The following ATAD3A variants were observed in gnomAD, a reference collection of about 807,000 sequenced individuals.
ATAD3A encodes ATPase family AAA domain containing 3A.
A neutral mutation model predicts 73.8 loss-of-function variants in ATAD3A; 46 were observed. The observed-to-expected ratio is 0.62, with a 90% confidence interval of 0.49 to 0.80. The LOEUF is 0.80. Among genes scored for constraint, ATAD3A ranks in the 30% least tolerant of loss-of-function variants. The probability of loss-of-function intolerance (pLI) is 0.00; values close to 1 mark genes in which losing one functional copy is unlikely to be tolerated. For missense variants in ATAD3A, 705 were observed against 838.0 expected (o/e 0.84, Z 1.96); for synonymous variants, 319 against 350.0 (o/e 0.91, Z 0.99).
At chr1:1,517,107 T>G in intron 2 of ATAD3A, 1 of 1,538,328 alleles carries the variant, frequency 6.5e-7, no homozygotes, top group Non-Finnish European at 8.8e-7. Flanking sequence ...TTCGCGGGCT[T>G]CTGCTGGTGC....
intron 2 of ATAD3A, among the ~76,000 whole-genome samples, chr1:1,516,679 C>T (rs920368096): frequency 5.3e-5 from 8 of 152,088 alleles, no homozygotes; most frequent in African/African-American, 1.9e-4. Context: ...TCCCAAAGTG[C>T]TGGGATTACA....
chr1:1,522,715 GGTGCGCCA>G, intron 7 of ATAD3A, 21 bp from the exon 8 acceptor site: 1 of 1,610,304 alleles, frequency 6.2e-7, no homozygotes, highest in Non-Finnish European at 8.5e-7. Flanking sequence ...GGTGGGGGCC[GGTGCGCCA>G]GTGCGGTGTC....
Position 1,525,769 on chromosome 1 carries a change from G to A in ATAD3A, c.1266+478G>A, listed in dbSNP as rs556153736. ...GTCGCCCAGGCTGGAGTGCAGGGGCGATCACAGCTCACTGTTGCCTCGACC... is the reference window on the plus strand; with the variant it reads ...GTCGCCCAGGCTGGAGTGCAGGGGCAATCACAGCTCACTGTTGCCTCGACC... On this transcript the variant is annotated intron_variant, in intron 12 of 15. Transcript: ENST00000378756. Among the ~76,000 whole-genome samples, 16 of 152,206 alleles carry A rather than the reference G, an allele frequency of 1.1e-4. No homozygotes were observed. In the East Asian group the frequency reaches 2.1e-3, roughly 20 times the overall value.
intron 1 of ATAD3A, chr1:1,512,683 C>A (rs1641240851): frequency 1.5e-6 from 2 of 1,297,578 alleles, no homozygotes; most frequent in Non-Finnish European, 2.0e-6. Flanking sequence ...CTGTCAGGAG[C>A]GGGTCAGGTG....
chr1:1,526,249 T>A lies in ATAD3A; in HGVS notation c.1267-212T>A, dbSNP rs1446626155. Among the ~76,000 whole-genome samples the A allele has an allele frequency of 8.0e-4, 121 of 151,916 alleles. 2 individuals carry two copies. In the South Asian group the frequency reaches 0.013, roughly 17 times the overall value. ...TTGGCCAGGATGGTCTCAAACTCCTTACCTCGTGTGATCTGCCCGCCTCAG... is the reference window on the plus strand; with the variant it reads ...TTGGCCAGGATGGTCTCAAACTCCTAACCTCGTGTGATCTGCCCGCCTCAG... On this transcript the variant is annotated intron_variant, in intron 12 of 15. Transcript: ENST00000378756.
chr1:1,529,507 G>A (rs1172886195), intron 15 of ATAD3A, among the ~76,000 whole-genome samples, 176 bp downstream of exon 15: 7 of 152,230 alleles, frequency 4.6e-5, no homozygotes, highest in East Asian at 1.9e-4. Flanking sequence ...ACGAGGCATC[G>A]CGCACCTGCT....
Position 1,522,821 on chromosome 1 carries a change from G to A in ATAD3A, c.828G>A (p.Glu276=), listed in dbSNP as rs1410698503. The change falls in exon 8 of 16, where the codon GAG becomes GAA. Residue 276 remains glutamate, a synonymous_variant. Transcript: ENST00000378756. Reference sequence around the variant, plus strand: ...CGCTTGTCGCCGGCCGCTTCATCGAGGCTCGGCTGGGGAAGCCGTCCCTAG... The same window carrying A: ...CGCTTGTCGCCGGCCGCTTCATCGAAGCTCGGCTGGGGAAGCCGTCCCTAG... ...NATLVAGRFI[E]ARLGKPSLVR... 1 of 1,610,850 alleles carries A rather than the reference G, an allele frequency of 6.2e-7. No individual in the cohort carries two copies. Among genetic ancestry groups the A allele is most frequent in the East Asian group, 2.2e-5 (1 of 44,876 alleles).
At position 1,523,488 on chromosome 1, in the gene ATAD3A, C is replaced by A. The variant is rs375607754; in HGVS notation, c.907-23C>A. On this transcript the variant is annotated intron_variant, in intron 8 of 15. Coordinates refer to ENST00000378756, the MANE Select transcript of ATAD3A (RefSeq NM_001170535.3). This position sits in a 1 kb window ranked among gnomAD's most constrained non-coding sequence, Gnocchi z 5.1. ...GTGGCTGTGGCAGGTGACCCGATGG[C>A]GCTTCCCCTTCCCCTCCGGCAGGTC... 6 of 1,607,392 alleles carry A rather than the reference C, an allele frequency of 3.7e-6. No individual in the cohort carries two copies. The highest frequency in any genetic ancestry group is 1.3e-5 in the African/African-American group (1 of 74,658).
chr1:1,533,633 C>G (rs535935159), intron 15 of ATAD3A, among the ~76,000 whole-genome samples: 4 of 152,138 alleles, frequency 2.6e-5, no homozygotes, highest in Non-Finnish European at 5.9e-5. Context: ...ACCTGCCTCT[C>G]GGAAGCTGCC....
Position 1,520,673 on chromosome 1 carries a change from C to A in ATAD3A, c.750+56C>A, listed in dbSNP as rs1214028775. 4 of 1,612,420 alleles carry A rather than the reference C, an allele frequency of 2.5e-6. No individual in the cohort carries two copies. Among genetic ancestry groups the A allele is most frequent in the African/African-American group, 2.7e-5 (2 of 74,900 alleles). On this transcript the variant is annotated intron_variant, in intron 7 of 15. Coordinates refer to ENST00000378756, the MANE Select transcript of ATAD3A (RefSeq NM_001170535.3). The surrounding 1 kb of genome is among the most constrained non-coding windows in gnomAD (Gnocchi z 4.0). ...GTGGCTGAGGGGCAGCATGTGGGGG[C>A]CTCCTGGAGCCCCAGGTCCTGTCCC...
chr1:1,526,843 T>A (rs1186165490), intron 13 of ATAD3A, among the ~76,000 whole-genome samples: 1 of 152,116 alleles, frequency 6.6e-6, no homozygotes, highest in African/African-American at 2.4e-5. Context: ...AGGGAGGTGG[T>A]CTCATCGTGT....
chr1:1,529,391 G>C, intron 15 of ATAD3A, 60 bp downstream of exon 15: 1 of 1,513,108 alleles, frequency 6.6e-7, no homozygotes, highest in South Asian at 1.3e-5. Flanking sequence ...GAGATGCTCA[G>C]TTGCGCCAGG....
At position 1,523,780 on chromosome 1, in the gene ATAD3A, TC is replaced by T. The variant is rs1289815022; in HGVS notation, c.964-55del. On this transcript the variant is annotated intron_variant, in intron 9 of 15. Coordinates refer to ENST00000378756, the MANE Select transcript of ATAD3A (RefSeq NM_001170535.3). The surrounding 1 kb of genome is among the most constrained non-coding windows in gnomAD (Gnocchi z 5.1). ...GCACCCAGGCATTCCCGCAGCCCCT[TC>T]CCCTGAGGCTTCCATGGGTGCACAG... is the stretch of plus-strand genomic sequence containing the variant. 4 of 1,610,586 alleles carry T rather than the reference TC, an allele frequency of 2.5e-6. No homozygotes were observed. The highest frequency in any genetic ancestry group is 1.7e-5 in the Admixed American group (1 of 59,606).
intron 4 of ATAD3A, among the ~76,000 whole-genome samples, chr1:1,518,412 TAGAC>T (rs1641447586): frequency 2.1e-5 from 2 of 94,610 alleles, no homozygotes; most frequent in African/African-American, 8.5e-5. Flanking sequence ...TGCCCCCCCA[TAGAC>T]GGACACACAC....
At chr1:1,514,403 C>T (rs1177340491) in intron 1 of ATAD3A, among the ~76,000 whole-genome samples, 4 of 152,190 alleles carry the variant, frequency 2.6e-5, no homozygotes, top group South Asian at 2.1e-4. Context: ...GTTGAGAGCC[C>T]GGGGTCGCTT....
At chr1:1,528,386 C>T (rs1570353531) in intron 14 of ATAD3A, among the ~76,000 whole-genome samples, 1 of 147,258 alleles carries the variant, frequency 6.8e-6, no homozygotes, top group Non-Finnish European at 1.5e-5. Flanking sequence ...TGTCGGGATT[C>T]GAAGGAGTCT....
intron 13 of ATAD3A, among the ~76,000 whole-genome samples, chr1:1,527,416 AG>A (rs1425403895): frequency 6.6e-6 from 1 of 152,198 alleles, no homozygotes; most frequent in Admixed American, 6.5e-5. Context: ...CCAGCACAGC[AG>A]GGGTCAGGCA....
rs1412916229 is a variant in ATAD3A at position 1,518,929 on chromosome 1, C to T, written c.453C>T (p.Leu151=). 1 of 1,614,140 alleles carries T rather than the reference C, an allele frequency of 6.2e-7. No homozygotes were observed. The change falls in exon 5 of 16, where the codon CTC becomes CTT. Residue 151 remains leucine, a synonymous_variant. Transcript: ENST00000378756. ...YEDQLKQQQL[L]NEENLRKQEE... ...CTGCGGCTTCTTCTCAGCAACTTCT[C>T]AATGAGGAGAATTTACGGAAGCAGG...
chr1:1,523,642 G>C lies in ATAD3A; in HGVS notation c.963+75G>C. On this transcript the variant is annotated intron_variant, in intron 9 of 15. Transcript: ENST00000378756. This position sits in a 1 kb window ranked among gnomAD's most constrained non-coding sequence, Gnocchi z 5.1. ...GCTGGGCCGGGCTGTGGCCCTTGCT[G>C]GCGCTCGTGGTGGCACCCAGGAGCT... 6.2e-7 allele frequency: 1 copy of C among 1,605,382 alleles called. No individual in the cohort carries two copies. Among genetic ancestry groups the C allele is most frequent in the South Asian group, 1.1e-5 (1 of 90,318 alleles).
Sources: allele counts gnomAD v4.1 joint callset (sites outside exome capture counted in the v4.1 genomes callset), GRCh38; gene constraint gnomAD v4.1.1; non-coding constraint Gnocchi (gnomAD v3.1); transcripts MANE v1.5; gene names NCBI Gene and HGNC (gene_info 2026-07-23, HGNC 2026-07-21).